VRK2: variants seen among roughly 807,000 people sequenced by gnomAD.
VRK2 encodes VRK serine/threonine kinase 2.
In VRK2, 60 loss-of-function variants were observed where a neutral mutation model predicts 57.6. The observed-to-expected ratio is 1.04, with a 90% CI of 0.85 to 1.29. VRK2 has a LOEUF of 1.29. Ranked by LOEUF, VRK2 falls within the 50% of genes most tolerant of loss-of-function variation. The pLI is 0.00. For synonymous variants in VRK2, 231 were observed against 199.2 expected, an observed-to-expected ratio of 1.16 and a Z score of -1.35; for missense variants, 705 against 588.1, an observed-to-expected ratio of 1.20 and a Z score of -2.06.
At chr2:58,147,540 G>A (rs1682347549) in intron 12 of VRK2, among the ~76,000 whole-genome samples, 1 of 151,794 alleles carries the variant, frequency 6.6e-6, no homozygotes, top group African/African-American at 2.4e-5. Flanking sequence ...ATCACCTGGT[G>A]TACAGGGATA....
At chr2:57,932,619 C>A (rs995339226) in intron 1 of VRK2, among the ~76,000 whole-genome samples, 7 of 151,932 alleles carry the variant, frequency 4.6e-5, no homozygotes, top group Non-Finnish European at 1.0e-4. Flanking sequence ...TATGTTGTTT[C>A]TCTTTTTTAA....
At chr2:58,128,286 G>T (rs931810492) in intron 8 of VRK2, among the ~76,000 whole-genome samples, 1 of 152,140 alleles carries the variant, frequency 6.6e-6, no homozygotes, top group Non-Finnish European at 1.5e-5. Context: ...AGTCCTGTGT[G>T]TAATGTTGTT....
chr2:58,101,304 T>G (rs1673925319), intron 7 of VRK2, among the ~76,000 whole-genome samples: 1 of 151,758 alleles, frequency 6.6e-6, no homozygotes, highest in South Asian at 2.1e-4. Flanking sequence ...TCCATATGAC[T>G]ATCACTTTTA....
chr2:57,944,226 G>T (rs887755215), intron 1 of VRK2, among the ~76,000 whole-genome samples: 10 of 152,182 alleles, frequency 6.6e-5, no homozygotes, highest in African/African-American at 2.4e-4. Flanking sequence ...GTGGGGTTAT[G>T]AACTCAAGGT....
chr2:58,154,920 C>T, intron 12 of VRK2: 4 of 524,554 alleles, frequency 7.6e-6, no homozygotes, highest in Admixed American at 3.4e-5. Context: ...ACTTTTAATA[C>T]CTTATTTAGA....
At position 58,096,857 on chromosome 2, in the gene VRK2, A is replaced by T. The variant is rs1175349392; in HGVS notation, c.543+7134A>T. Among the ~76,000 whole-genome samples the T allele has an allele frequency of 5.3e-5, 8 of 151,884 alleles. No homozygotes were observed. In the East Asian group the frequency reaches 1.2e-3, roughly 22 times the overall value. On this transcript the variant is annotated intron_variant, in intron 7 of 12. Coordinates refer to ENST00000340157, the MANE Select transcript of VRK2 (RefSeq NM_006296.7). ...CCCTTATTGTTTTATATTATATCTA[A>T]TTGATTTTGATATGTAATGTTTTTG...
In VRK2 at chr2:57,936,518, G is replaced by GT. The variant is rs200492675; in HGVS notation, c.-439+28683dup. Among the ~76,000 whole-genome samples, 992 of 134,726 alleles carry GT rather than the reference G, an allele frequency of 7.4e-3. 10 individuals are homozygous for GT. Among genetic ancestry groups the GT allele is most frequent in the African/African-American group, 0.024 (831 of 34,266 alleles). The allele number at this position is 134,726 out of a possible 152,430, so 88.4% of individuals were successfully genotyped here. A position where few individuals can be genotyped will look rare whatever the true frequency, so the allele number is the denominator to read the frequency against. On this transcript the variant is annotated intron_variant, in intron 1 of 15. Coordinates refer to the VRK2 transcript ENST00000417641. ...TGCTTTCATTTTTTTGTTTTGTTTT[G>GT]TTTTGTTTTTTTGTTTTTTTTTTTT...
intron 2 of VRK2, among the ~76,000 whole-genome samples, chr2:58,060,400 TC>T (rs1361834229): frequency 6.6e-6 from 1 of 151,808 alleles, no homozygotes; most frequent in Admixed American, 6.6e-5. Context: ...TTAAGTTCCT[TC>T]TGACTGTGAA....
chr2:58,052,805 A>G (rs1443323468), intron 2 of VRK2, among the ~76,000 whole-genome samples: 3 of 152,214 alleles, frequency 2.0e-5, no homozygotes, highest in Non-Finnish European at 4.4e-5. Flanking sequence ...AATTTGCTAT[A>G]GTAGTGAAAA....
At chr2:57,937,359 T>C (rs1211691231) in intron 1 of VRK2, among the ~76,000 whole-genome samples, 2 of 152,180 alleles carry the variant, frequency 1.3e-5, no homozygotes, top group African/African-American at 4.8e-5. Flanking sequence ...CTTTCTTTTC[T>C]TTTTTCCTTC....
intron 12 of VRK2, 188 bp from the exon 13 acceptor site, chr2:58,159,161 A>G (rs999329191): frequency 2.2e-6 from 1 of 454,392 alleles, no homozygotes; most frequent in East Asian, 3.3e-5. Context: ...TGCTTGTTGG[A>G]TGTTTATAAA....
intron 5 of VRK2, 73 bp downstream of exon 5, chr2:58,086,499 C>G: frequency 7.6e-7 from 1 of 1,310,814 alleles, no homozygotes; most frequent in Non-Finnish European, 1.0e-6. Flanking sequence ...TAACTATTGC[C>G]ATGTAACAAA....
At chr2:58,080,853 CAT>C (rs1481279566) in intron 2 of VRK2, among the ~76,000 whole-genome samples, 16 of 151,840 alleles carry the variant, frequency 1.1e-4, no homozygotes, top group Non-Finnish European at 2.1e-4. Flanking sequence ...TAATTACTGA[CAT>C]ATGTAATCAA....
chr2:58,073,032 G>A (rs977677501), intron 2 of VRK2, among the ~76,000 whole-genome samples: 4 of 151,732 alleles, frequency 2.6e-5, no homozygotes, highest in Non-Finnish European at 5.9e-5. Context: ...TTTCATTTTC[G>A]TTTAGTTTGA....
intron 1 of VRK2, among the ~76,000 whole-genome samples, chr2:57,926,348 T>C (rs535891865): frequency 1.6e-3 from 247 of 151,900 alleles, no homozygotes; most frequent in Non-Finnish European, 1.9e-3. Flanking sequence ...TACTACTGTA[T>C]TGGGGTCTCT....
chr2:57,961,811 T>C (rs1671770670), intron 1 of VRK2, among the ~76,000 whole-genome samples: 1 of 152,170 alleles, frequency 6.6e-6, no homozygotes, highest in Non-Finnish European at 1.5e-5. Flanking sequence ...GGGCAGTGGC[T>C]CACGCCTCTA....
intron 1 of VRK2, among the ~76,000 whole-genome samples, chr2:57,957,332 G>T (rs1218492006): frequency 6.6e-6 from 1 of 151,644 alleles, no homozygotes; most frequent in African/African-American, 2.4e-5. Context: ...CATATTTCAG[G>T]GTCATACTAC....
intron 1 of VRK2, among the ~76,000 whole-genome samples, chr2:57,954,685 G>C (rs185355663): frequency 1.1e-4 from 16 of 151,722 alleles, no homozygotes; most frequent in African/African-American, 3.9e-4. Context: ...TAGATTATAG[G>C]GTCAATTTCC....
At chr2:58,152,372 T>A (rs1683201839) in intron 12 of VRK2, among the ~76,000 whole-genome samples, 1 of 151,928 alleles carries the variant, frequency 6.6e-6, no homozygotes, top group Non-Finnish European at 1.5e-5. Context: ...AAATATATAC[T>A]TCCCTTTATC....
Sources: gnomAD v4.1 joint callset for allele counts (sites outside exome capture counted in the v4.1 genomes callset) on GRCh38, gnomAD v4.1.1 for gene constraint, MANE v1.5 for transcripts, NCBI Gene and HGNC (gene_info 2026-07-23, HGNC 2026-07-21) for gene names.